BEND3: variants seen among roughly 807,000 people sequenced by gnomAD.
BEND3 encodes BEN domain containing 3, also known as BEN domain-containing protein 3.
Under a neutral mutation model 60.1 loss-of-function variants are expected in BEND3, and 13 were observed. That is an observed-to-expected ratio of 0.22 (90% CI 0.14 to 0.34). The LOEUF (loss-of-function observed/expected upper bound fraction) is 0.34, where lower values mean the gene tolerates loss of function less well. Among genes scored for constraint, BEND3 ranks in the 10% least tolerant of loss-of-function variants. BEND3 has a pLI of 1.00. For synonymous variants in BEND3, 497 were observed against 491.5 expected, an observed-to-expected ratio of 1.01 and a Z score of -0.15; for missense variants, 896 against 1,138.1, an observed-to-expected ratio of 0.79 and a Z score of 3.06.
At chr6:107,076,986 C>T (rs1775114370) in intron 3 of BEND3, among the ~76,000 whole-genome samples, 1 of 151,928 alleles carries the variant, frequency 6.6e-6, no homozygotes, top group Non-Finnish European at 1.5e-5. Context: ...TAGTTGGGAC[C>T]ACAGGCACAC....
At chr6:107,101,956 C>T (rs1365702463) in intron 1 of BEND3, among the ~76,000 whole-genome samples, 1 of 152,134 alleles carries the variant, frequency 6.6e-6, no homozygotes, top group Non-Finnish European at 1.5e-5. Context: ...GGCGGACATA[C>T]TTTACAAAAC....
intron 1 of BEND3, among the ~76,000 whole-genome samples, chr6:107,105,354 GAGAA>G (rs1775790398): frequency 7.0e-6 from 1 of 143,376 alleles, no homozygotes; most frequent in Admixed American, 7.2e-5. Context: ...CTGGGAGACA[GAGAA>G]AGACTCTGTC....
intron 1 of BEND3, among the ~76,000 whole-genome samples, chr6:107,103,324 G>A (rs1775739425): frequency 6.6e-6 from 1 of 152,170 alleles, no homozygotes; most frequent in African/African-American, 2.4e-5. Context: ...TGCTCCTCCT[G>A]GGTGGACACC....
intron 3 of BEND3, among the ~76,000 whole-genome samples, chr6:107,077,312 C>G (rs190266406): frequency 1.7e-4 from 26 of 152,240 alleles, no homozygotes; most frequent in South Asian, 4.2e-4. Context: ...CAGGGCTGCA[C>G]TAAGTTGCCT....
At chr6:107,096,269 A>T (rs1775583138) in intron 3 of BEND3, among the ~76,000 whole-genome samples, 1 of 152,238 alleles carries the variant, frequency 6.6e-6, no homozygotes, top group African/African-American at 2.4e-5. Context: ...ACATTATGCT[A>T]AGAAGCCAGA....
At chr6:107,091,945 C>T (rs913916417) in intron 3 of BEND3, among the ~76,000 whole-genome samples, 16 of 152,104 alleles carry the variant, frequency 1.1e-4, no homozygotes, top group African/African-American at 3.6e-4. Flanking sequence ...CTGTCTCCCA[C>T]GTGGCCAGCC....
In BEND3 at chr6:107,082,929, T is replaced by C. The variant is rs138365707; in HGVS notation, c.241-11979A>G. Among the ~76,000 whole-genome samples the C allele has an allele frequency of 1.8e-4, 27 of 152,302 alleles. No homozygotes were observed. The East Asian group carries it at 4.8e-3, about 27-fold the overall frequency. On this transcript the variant is annotated intron_variant, in intron 3 of 3. Coordinates refer to ENST00000369042, the MANE Select transcript of BEND3 (RefSeq NM_001367314.1). ...AGAAAAATATTTTTGGGAGTTCCTT[T>C]AGGAAATTAACATACTGCTTGTCAA...
intron 3 of BEND3, among the ~76,000 whole-genome samples, chr6:107,090,922 C>A (rs1460060470): frequency 1.3e-5 from 2 of 151,990 alleles, no homozygotes; most frequent in African/African-American, 4.8e-5. Flanking sequence ...TCAGCCTGGT[C>A]AACATGGCAA....
rs557769546 is a variant in BEND3, at chr6:107,107,610, G to C, written c.-12+7480C>G. On this transcript the variant is annotated intron_variant, in intron 1 of 3. Coordinates refer to ENST00000369042, the MANE Select transcript of BEND3 (RefSeq NM_001367314.1). ...CCCAAGCAGCTGGGATTACAGGTGGGCACCACCATGCCTGATTAATTTCTG... is the reference window on the plus strand; with the variant it reads ...CCCAAGCAGCTGGGATTACAGGTGGCCACCACCATGCCTGATTAATTTCTG... Among the ~76,000 whole-genome samples the C allele has an allele frequency of 2.3e-3, 348 of 152,188 alleles. 2 individuals are homozygous for C. The highest frequency in any genetic ancestry group is 4.0e-3 in the Non-Finnish European group (272 of 68,020).
intron 1 of BEND3, among the ~76,000 whole-genome samples, chr6:107,106,419 C>G (rs1260905794): frequency 6.6e-6 from 1 of 152,150 alleles, no homozygotes; most frequent in Non-Finnish European, 1.5e-5. Context: ...CCATGACCTC[C>G]CAGCTTTCTT....
In BEND3 at chr6:107,099,155, T is replaced by C. The variant is rs782071065; in HGVS notation, c.37+94A>G. The C allele has an allele frequency of 1.4e-5, 15 of 1,064,868 alleles. No individual in the cohort carries two copies. The Admixed American group carries it at 2.8e-4, about 20-fold the overall frequency. 66.0% of individuals were successfully genotyped at this position (1,064,868 alleles called of 1,614,324 possible). A position where few individuals can be genotyped will look rare whatever the true frequency, so the allele number is the denominator to read the frequency against. ...TGTGGGTGGAGGGGACTTTTCACTA[T>C]ATAACTTTGTATATTTTTGGACCAT... On this transcript the variant is annotated intron_variant, in intron 2 of 3. Coordinates refer to ENST00000369042, the MANE Select transcript of BEND3 (RefSeq NM_001367314.1).
chr6:107,111,969 G>A (rs1252772423), intron 1 of BEND3, among the ~76,000 whole-genome samples: 2 of 149,274 alleles, frequency 1.3e-5, no homozygotes, highest in Non-Finnish European at 2.9e-5. Flanking sequence ...GCACCAGAGT[G>A]AGACTCCGTT....
rs1774811858 is a variant in BEND3, at chr6:107,065,671, A to T, written c.*3033T>A. 1 of 152,198 alleles carries T rather than the reference A, an allele frequency of 6.6e-6. No homozygotes were observed. 9.4% of individuals were successfully genotyped at this position (152,198 alleles called of 1,614,324 possible). ...TGGAAACGGAGGCCATCTCTAAATG[A>T]ACCCAGTGGTCATGCTGTGGTGTGG... On this transcript the variant is annotated 3_prime_UTR_variant, in exon 4 of 4. Transcript: ENST00000369042.
intron 1 of BEND3, among the ~76,000 whole-genome samples, chr6:107,102,467 A>G (rs1775721834): frequency 6.6e-6 from 1 of 152,216 alleles, no homozygotes; most frequent in African/African-American, 2.4e-5. Flanking sequence ...AGCCACCTGC[A>G]GTGGGCAGAA....
At chr6:107,080,765 C>A (rs1314406891) in intron 3 of BEND3, among the ~76,000 whole-genome samples, 8 of 151,860 alleles carry the variant, frequency 5.3e-5, no homozygotes, top group Admixed American at 2.0e-4. Context: ...GCACCTGTAA[C>A]CCCAGCTACT....
At chr6:107,077,605 A>G (rs978260455) in intron 3 of BEND3, among the ~76,000 whole-genome samples, 1 of 152,196 alleles carries the variant, frequency 6.6e-6, no homozygotes, top group Non-Finnish European at 1.5e-5. Flanking sequence ...AACTATAATG[A>G]AGGGAAAAGA....
chr6:107,113,190 C>T (rs1300868370), intron 1 of BEND3, among the ~76,000 whole-genome samples: 4 of 151,150 alleles, frequency 2.6e-5, no homozygotes, highest in African/African-American at 9.8e-5. Context: ...TGCCTGTGAT[C>T]CCAACACTTT....
At chr6:107,083,936 A>C (rs774151325) in intron 3 of BEND3, among the ~76,000 whole-genome samples, 17 of 152,332 alleles carry the variant, frequency 1.1e-4, no homozygotes, top group Admixed American at 2.6e-4. Context: ...AAGAAAAAGC[A>C]TCTCTACAAT....
chr6:107,070,030 G>A lies in BEND3; in HGVS notation c.1161C>T (p.Ala387=), dbSNP rs1554231664. The change falls in exon 4 of 4, where the codon GCC becomes GCT. Residue 387 remains alanine, a synonymous_variant. Transcript: ENST00000369042. This position sits in a 1 kb window ranked among gnomAD's most constrained non-coding sequence, Gnocchi z 6.9. ...CCTGCGTGTCCACCACGTGGTCTGA[G>A]GCGATGGTGCTGCTCCGGTCAAGAG... ...ALSLDRSSTI[A]SDHVVDTQDL... 3 of 1,613,718 alleles carry A rather than the reference G, an allele frequency of 1.9e-6. No homozygotes were observed. The South Asian group carries it at 3.3e-5, about 18-fold the overall frequency.
Sources: gnomAD v4.1 joint callset for allele counts (sites outside exome capture counted in the v4.1 genomes callset) on GRCh38, gnomAD v4.1.1 for gene constraint, Gnocchi (gnomAD v3.1) non-coding constraint, MANE v1.5 for transcripts, NCBI Gene and HGNC (gene_info 2026-07-23, HGNC 2026-07-21) for gene names.